KIAA0040: variants seen among roughly 807,000 people sequenced by gnomAD.
KIAA0040 encodes the protein uncharacterized protein KIAA0040.
In KIAA0040, 10 loss-of-function variants were observed where a neutral mutation model predicts 7.2. That is an observed-to-expected ratio of 1.38 (90% CI 0.85 to 2.34). The LOEUF is 2.34. KIAA0040 is among the 30% of genes most tolerant of loss of function. The pLI is 0.00. For missense variants in KIAA0040, 89 were observed against 108.2 expected, an observed-to-expected ratio of 0.82 and a Z score of 0.79; for synonymous variants, 49 against 40.1, an observed-to-expected ratio of 1.22 and a Z score of -0.84.
rs527899548 is a variant in KIAA0040, at chr1:175,157,058, T to C, written c.*3656A>G. On this transcript the variant is annotated 3_prime_UTR_variant, in exon 4 of 4. Coordinates refer to ENST00000423313, the MANE Select transcript of KIAA0040 (RefSeq NM_014656.3). ...GTCACATGTGGCTATTGGTACCATATTGAACCATATTGAACAGTGTACACA... is the reference window on the plus strand; with the variant it reads ...GTCACATGTGGCTATTGGTACCATACTGAACCATATTGAACAGTGTACACA... 7 of 152,206 alleles carry C rather than the reference T, an allele frequency of 4.6e-5. No homozygotes were observed. The highest frequency in any genetic ancestry group is 3.9e-4 in the Admixed American group (6 of 15,284). 9.4% of individuals were successfully genotyped at this position (152,206 alleles called of 1,614,324 possible). A position where few individuals can be genotyped will look rare whatever the true frequency, so the allele number is the denominator to read the frequency against.
At chr1:175,186,118 G>C (rs1024440096) in intron 1 of KIAA0040, among the ~76,000 whole-genome samples, 15 of 152,168 alleles carry the variant, frequency 9.9e-5, no homozygotes, top group Admixed American at 9.8e-4. Context: ...ATGGAGGGGT[G>C]ATTGCACAAT....
chr1:175,177,981 A>G (rs1677273076), intron 1 of KIAA0040, among the ~76,000 whole-genome samples: 1 of 152,244 alleles, frequency 6.6e-6, no homozygotes, highest in Non-Finnish European at 1.5e-5. Context: ...GGCAAAAAAC[A>G]AAAGTCACTC....
chr1:175,172,208 A>G (rs1195431213), intron 2 of KIAA0040, among the ~76,000 whole-genome samples: 1 of 152,182 alleles, frequency 6.6e-6, no homozygotes, highest in Non-Finnish European at 1.5e-5. Context: ...ATTAATCATG[A>G]GAAATTATGT....
At chr1:175,165,738 A>C (rs1030412180) in intron 3 of KIAA0040, among the ~76,000 whole-genome samples, 2 of 152,170 alleles carry the variant, frequency 1.3e-5, no homozygotes, top group Non-Finnish European at 2.9e-5. Flanking sequence ...GGACCCTTGG[A>C]AGTGTTACAG....
At chr1:175,179,908 G>A (rs1489546097) in intron 1 of KIAA0040, among the ~76,000 whole-genome samples, 2 of 152,162 alleles carry the variant, frequency 1.3e-5, no homozygotes, top group African/African-American at 2.4e-5. Flanking sequence ...TGCTTTCTGC[G>A]CTAAAGTTAC....
chr1:175,186,133 T>C (rs566923275), intron 1 of KIAA0040, among the ~76,000 whole-genome samples: 1 of 152,314 alleles, frequency 6.6e-6, no homozygotes, highest in Non-Finnish European at 1.5e-5. Flanking sequence ...CACAATATTC[T>C]GAATGTACTA....
intron 3 of KIAA0040, among the ~76,000 whole-genome samples, chr1:175,165,883 G>A (rs975149331): frequency 6.7e-6 from 1 of 148,336 alleles, no homozygotes; most frequent in African/African-American, 2.5e-5. Flanking sequence ...GTTCTATTCT[G>A]CATCAGCCTC....
chr1:175,172,967 T>G (rs1677044838), intron 2 of KIAA0040, among the ~76,000 whole-genome samples: 1 of 152,262 alleles, frequency 6.6e-6, no homozygotes, highest in South Asian at 2.1e-4. Context: ...CATCCATTTG[T>G]GAAATAATTA....
At chr1:175,177,868 T>C (rs915896867) in intron 1 of KIAA0040, among the ~76,000 whole-genome samples, 184 bp from the exon 2 acceptor site, 6 of 152,188 alleles carry the variant, frequency 3.9e-5, no homozygotes, top group Admixed American at 3.9e-4. Flanking sequence ...ACAGGGTCCT[T>C]AGGTAAAAGC....
intron 2 of KIAA0040, among the ~76,000 whole-genome samples, chr1:175,167,223 A>C (rs976453134): frequency 2.6e-5 from 4 of 152,214 alleles, no homozygotes; most frequent in African/African-American, 9.7e-5. Context: ...ACACAAAATA[A>C]ACTTATTTTA....
In KIAA0040 at chr1:175,181,240, C is replaced by T. The variant is rs189767487; in HGVS notation, c.-383-3556G>A. ...AGAGTATGTGTGTATTTGTGGGGGG[C>T]GGGGGGCTGGCTCACTACCTCACTG... On this transcript the variant is annotated intron_variant, in intron 1 of 3. Coordinates refer to ENST00000423313, the MANE Select transcript of KIAA0040 (RefSeq NM_014656.3). Among the ~76,000 whole-genome samples the T allele has an allele frequency of 7.9e-4, 119 of 150,644 alleles. 1 individual carries two copies. Among genetic ancestry groups the T allele is most frequent in the Admixed American group, 1.5e-3 (22 of 15,086 alleles).
In KIAA0040 at chr1:175,176,738, G is replaced by A. The variant is rs1053500682; in HGVS notation, c.-310+873C>T. Among the ~76,000 whole-genome samples the A allele has an allele frequency of 1.9e-4, 21 of 110,704 alleles. 1 individual carries two copies. The Admixed American group carries it at 2.1e-3, about 11-fold the overall frequency. 72.6% of individuals were successfully genotyped at this position (110,704 alleles called of 152,430 possible). ...TCTTTCTTTGATATAGATGACATAT[G>A]CTTAGCCTCATCATGTGCAGTTTTA... On this transcript the variant is annotated intron_variant, in intron 2 of 3. Coordinates refer to ENST00000423313, the MANE Select transcript of KIAA0040 (RefSeq NM_014656.3).
intron 1 of KIAA0040, among the ~76,000 whole-genome samples, chr1:175,186,640 C>T (rs1317665917): frequency 6.6e-6 from 1 of 152,160 alleles, no homozygotes; most frequent in Admixed American, 6.5e-5. Flanking sequence ...TGAAAATAGT[C>T]AAAACCCAGC....
In KIAA0040 at chr1:175,159,007, T is replaced by C. The variant is rs1251987014; in HGVS notation, c.*1707A>G. ...TATAGAATTTAGTTTTTTGCTACTA[T>C]AAATATCATAGTTTAGCTACATTAT... is the stretch of plus-strand genomic sequence containing the variant. On this transcript the variant is annotated 3_prime_UTR_variant, in exon 4 of 4. Transcript: ENST00000423313. The C allele has an allele frequency of 2.6e-5, 4 of 152,230 alleles. No individual in the cohort carries two copies. The highest frequency in any genetic ancestry group is 2.0e-4 in the Admixed American group (3 of 15,276). The allele number at this position is 152,230 out of a possible 1,614,324, so 9.4% of individuals were successfully genotyped here. A position where few individuals can be genotyped will look rare whatever the true frequency, so the allele number is the denominator to read the frequency against.
intron 2 of KIAA0040, among the ~76,000 whole-genome samples, chr1:175,168,703 G>A (rs889644368): frequency 1.3e-5 from 2 of 152,126 alleles, no homozygotes; most frequent in African/African-American, 4.8e-5. Flanking sequence ...ATAGAGCCAG[G>A]GCCAGAACCA....
chr1:175,161,140 G>A lies in KIAA0040; in HGVS notation c.-127C>T, dbSNP rs1135289. 0.97 allele frequency: 763,201 copies of A among 787,798 alleles called. 369,753 individuals are homozygous for A. Among genetic ancestry groups the A allele is most frequent in the East Asian group, 0.99 (36,694 of 36,932 alleles). The allele number at this position is 787,798 out of a possible 1,614,324, so 48.8% of individuals were successfully genotyped here. Reference sequence around the variant, plus strand: ...AGCTTTGGGTTTGGGCATGCCACTGGCAGCACCTGAAGAGATTAAAACAGA... The same window carrying A: ...AGCTTTGGGTTTGGGCATGCCACTGACAGCACCTGAAGAGATTAAAACAGA... On this transcript the variant is annotated 5_prime_UTR_variant, in exon 4 of 4. Coordinates refer to ENST00000423313, the MANE Select transcript of KIAA0040 (RefSeq NM_014656.3).
chr1:175,170,962 C>T (rs1022532709), intron 2 of KIAA0040, among the ~76,000 whole-genome samples: 2 of 152,192 alleles, frequency 1.3e-5, no homozygotes, highest in Admixed American at 1.3e-4. Context: ...TCCTTCTGGA[C>T]CTTGTCTGGT....
intron 2 of KIAA0040, among the ~76,000 whole-genome samples, chr1:175,173,372 A>T (rs1677060643): frequency 6.6e-6 from 1 of 152,208 alleles, no homozygotes; most frequent in Non-Finnish European, 1.5e-5. Flanking sequence ...CTGAGTTCTT[A>T]CTAAGTGTGC....
chr1:175,189,170 G>A (rs151313465), intron 1 of KIAA0040, among the ~76,000 whole-genome samples: 320 of 152,250 alleles, frequency 2.1e-3, no homozygotes, highest in African/African-American at 7.4e-3. Flanking sequence ...TTAGAACTCT[G>A]TTTACTTGAA....
Sources: allele counts gnomAD v4.1 joint callset (sites outside exome capture counted in the v4.1 genomes callset), GRCh38; gene constraint gnomAD v4.1.1; transcripts MANE v1.5; gene names NCBI Gene and HGNC (gene_info 2026-07-23, HGNC 2026-07-21).